KLHL25: variants seen among roughly 807,000 people sequenced by gnomAD.
KLHL25 encodes the protein kelch like family member 25, also known as kelch-like protein 25.
Under a neutral mutation model 30.0 loss-of-function variants are expected in KLHL25, and 41 were observed. The observed-to-expected ratio is 1.37, with a 90% CI of 1.07 to 1.78. The LOEUF (loss-of-function observed/expected upper bound fraction) is 1.78, where lower values mean the gene tolerates loss of function less well. Ranked by LOEUF, KLHL25 falls within the 40% of genes most tolerant of loss-of-function variation. The pLI is 0.00. For missense variants in KLHL25, 971 were observed against 824.5 expected (o/e 1.18, Z -2.18); for synonymous variants, 399 against 355.3 (o/e 1.12, Z -1.38).
chr15:85,775,447 C>T (rs1403468809), intron 1 of KLHL25, among the ~76,000 whole-genome samples: 2 of 152,192 alleles, frequency 1.3e-5, no homozygotes, highest in South Asian at 4.1e-4. Context: ...AGACACGGCC[C>T]TTCCTGGCAC....
At chr15:85,791,205 AAAG>A (rs1490053706) in intron 1 of KLHL25, among the ~76,000 whole-genome samples, 1 of 150,888 alleles carries the variant, frequency 6.6e-6, no homozygotes, top group Non-Finnish European at 1.5e-5. Context: ...AAAAAAAAAA[AAAG>A]AAAAATGCCA....
chr15:85,765,557 C>T (rs555400584), intron 2 of KLHL25, among the ~76,000 whole-genome samples: 1 of 147,676 alleles, frequency 6.8e-6, no homozygotes, highest in Non-Finnish European at 1.5e-5. Context: ...ACCCAGGAGG[C>T]AGAGGTTGCA....
At chr15:85,762,351 C>T (rs1443412120) in intron 2 of KLHL25, 2 of 152,414 alleles carry the variant, frequency 1.3e-5, no homozygotes, top group Non-Finnish European at 2.9e-5. Flanking sequence ...GGGGTGTCCC[C>T]CAAGGCACCC....
intron 1 of KLHL25, among the ~76,000 whole-genome samples, chr15:85,776,172 CAAAA>C (rs60382493): frequency 7.9e-6 from 1 of 127,316 alleles, no homozygotes; most frequent in African/African-American, 3.0e-5. Context: ...GACTCTGTCT[CAAAA>C]AAAAAAAAAA....
rs978769706 is a variant in KLHL25 at position 85,768,122 on chromosome 15, A to G, written c.1689T>C (p.Asp563=). Residue 563 remains aspartate (D), a synonymous_variant, in exon 2 of 3, where the codon GAT becomes GAC. Transcript: ENST00000337975. ...GCACTGTGGTGATGCAGTTCCATGTATCTGAAGTGGGGTCATAGCAGTCCA... is the reference window on the plus strand; with the variant it reads ...GCACTGTGGTGATGCAGTTCCATGTGTCTGAAGTGGGGTCATAGCAGTCCA... The part of the protein sequence containing the change: ...KTLDCYDPTS[D]TWNCITTVPY... 2.5e-6 allele frequency: 4 copies of G among 1,614,220 alleles called. No individual in the cohort carries two copies. In the Admixed American group the frequency reaches 6.7e-5, roughly 27 times the overall value.
chr15:85,764,614 G>C (rs912286343), intron 2 of KLHL25: 11 of 152,238 alleles, frequency 7.2e-5, no homozygotes, highest in African/African-American at 2.4e-4. Flanking sequence ...ATTACAGACT[G>C]AGGAGGACTC....
At position 85,789,907 on chromosome 15, in the gene KLHL25, A is replaced by G. The variant is rs565364577; in HGVS notation, c.-11+4859T>C. 1.3e-5 allele frequency among the ~76,000 whole-genome samples: 2 copies of G among 152,302 alleles called. No homozygotes were observed. The highest frequency in any genetic ancestry group is 4.1e-4 in the South Asian group (2 of 4,832). On this transcript the variant is annotated intron_variant, in intron 1 of 2. Coordinates refer to ENST00000337975, the MANE Select transcript of KLHL25 (RefSeq NM_022480.4). The surrounding 1 kb of genome is among the most constrained non-coding windows in gnomAD (Gnocchi z 4.1). Reference sequence around the variant, plus strand: ...GGGAACTGCCAGAGGCTCAAGGAGAACAGCCCCGTCCCTTTGGAGTTACTG... The same window carrying G: ...GGGAACTGCCAGAGGCTCAAGGAGAGCAGCCCCGTCCCTTTGGAGTTACTG...
chr15:85,783,696 A>T (rs200394545), intron 1 of KLHL25, among the ~76,000 whole-genome samples: 1 of 1,294 alleles, frequency 7.7e-4, no homozygotes, highest in African/African-American at 2.1e-3. Context: ...CACCTCAATA[A>T]AAAAAAAAAA....
At chr15:85,779,565 T>G (rs1359509019) in intron 1 of KLHL25, among the ~76,000 whole-genome samples, 4 of 152,196 alleles carry the variant, frequency 2.6e-5, no homozygotes, top group Admixed American at 2.6e-4. Flanking sequence ...CAACTACTAT[T>G]TTCACTATGG....
At position 85,784,627 on chromosome 15, in the gene KLHL25, A is replaced by G. The variant is rs747240241; in HGVS notation, c.-11+10139T>C. The stretch of plus-strand genomic sequence containing the variant: ...TTCAAAGCAAGAAAGGATGTGACAC[A>G]TCACTGCAGGTTTGAAGATGGAGGG... On this transcript the variant is annotated intron_variant, in intron 1 of 2. Transcript: ENST00000337975. 2.0e-5 allele frequency among the ~76,000 whole-genome samples: 3 copies of G among 152,340 alleles called. No homozygotes were observed. The South Asian group carries it at 6.2e-4, about 32-fold the overall frequency.
chr15:85,768,962 G>A lies in KLHL25; in HGVS notation c.849C>T (p.Val283=). ...TGCGTGGCCGGGCACAGGGGCTGGTGACCACGCCATCATTCTGCAGGATCC... is the reference window on the plus strand; with the variant it reads ...TGCGTGGCCGGGCACAGGGGCTGGTAACCACGCCATCATTCTGCAGGATCC... The part of the protein sequence containing the change: ...KTRILQNDGV[V]TSPCARPRKA... Residue 283 remains valine (V), a synonymous_variant, in exon 2 of 3, where the codon GTC becomes GTT. Coordinates refer to ENST00000337975, the MANE Select transcript of KLHL25 (RefSeq NM_022480.4). 2 of 1,613,158 alleles carry A rather than the reference G, an allele frequency of 1.2e-6. No homozygotes were observed. Among genetic ancestry groups the A allele is most frequent in the Non-Finnish European group, 8.5e-7 (1 of 1,180,048 alleles).
At chr15:85,772,265 C>A (rs182955103) in intron 1 of KLHL25, among the ~76,000 whole-genome samples, 73 of 152,356 alleles carry the variant, frequency 4.8e-4, no homozygotes, top group Admixed American at 6.5e-4. Context: ...GCCCTCTCCA[C>A]TGAGGTCACG....
At chr15:85,792,636 C>A (rs77467739) in intron 1 of KLHL25, among the ~76,000 whole-genome samples, 39 of 152,190 alleles carry the variant, frequency 2.6e-4, no homozygotes, top group African/African-American at 8.4e-4. Flanking sequence ...CGAGAGCAAA[C>A]CTTCTACCAC....
At chr15:85,774,180 G>C (rs2089695246) in intron 1 of KLHL25, among the ~76,000 whole-genome samples, 1 of 152,104 alleles carries the variant, frequency 6.6e-6, no homozygotes, top group South Asian at 2.1e-4. Flanking sequence ...CACGTCTTTG[G>C]AGCCATAATC....
intron 1 of KLHL25, among the ~76,000 whole-genome samples, chr15:85,794,540 G>C (rs1409957874): frequency 2.0e-5 from 3 of 152,176 alleles, no homozygotes; most frequent in Non-Finnish European, 2.9e-5. Flanking sequence ...AGAGCTCTCG[G>C]CGAATTCCCT....
intron 1 of KLHL25, among the ~76,000 whole-genome samples, chr15:85,774,162 C>A (rs1327974419): frequency 6.6e-6 from 1 of 152,154 alleles, no homozygotes; most frequent in Non-Finnish European, 1.5e-5. Context: ...CTCCCTGTGC[C>A]CATGGCTCAC....
At chr15:85,765,621 C>T (rs372342938) in intron 2 of KLHL25, among the ~76,000 whole-genome samples, 1 of 75,546 alleles carries the variant, frequency 1.3e-5, no homozygotes, top group Non-Finnish European at 2.6e-5. Flanking sequence ...GAGACTGTCT[C>T]AAAAAAAAAA....
chr15:85,759,999 C>T lies in KLHL25; in HGVS notation c.*1037G>A, dbSNP rs1273795578. On this transcript the variant is annotated 3_prime_UTR_variant, in exon 3 of 3. Coordinates refer to ENST00000337975, the MANE Select transcript of KLHL25 (RefSeq NM_022480.4). Reference sequence around the variant, plus strand: ...ATGAACAAATGTTCAGCAGTTCTCTCGGGGCCATTCTTATCTTGGAGCTCA... The same window carrying T: ...ATGAACAAATGTTCAGCAGTTCTCTTGGGGCCATTCTTATCTTGGAGCTCA... 1.5e-4 allele frequency: 23 copies of T among 152,262 alleles called. No individual in the cohort carries two copies. The highest frequency in any genetic ancestry group is 1.5e-3 in the Admixed American group (23 of 15,286). The allele number at this position is 152,262 out of a possible 1,614,324, so 9.4% of individuals were successfully genotyped here.
At chr15:85,771,755 C>G (rs2089676522) in intron 1 of KLHL25, among the ~76,000 whole-genome samples, 1 of 152,248 alleles carries the variant, frequency 6.6e-6, no homozygotes, top group Non-Finnish European at 1.5e-5. Flanking sequence ...GCACTGGACG[C>G]AGATCCAGGC....
Sources: gnomAD v4.1 joint callset for allele counts (sites outside exome capture counted in the v4.1 genomes callset) on GRCh38, gnomAD v4.1.1 for gene constraint, Gnocchi (gnomAD v3.1) non-coding constraint, MANE v1.5 for transcripts, NCBI Gene and HGNC (gene_info 2026-07-23, HGNC 2026-07-21) for gene names.